GRAMD1B: variants seen among roughly 807,000 people sequenced by gnomAD.
GRAMD1B encodes the protein protein Aster-B.
In GRAMD1B, 37 loss-of-function variants were observed where a neutral mutation model predicts 99.7. That is an observed-to-expected ratio of 0.37 (90% CI 0.29 to 0.49). The LOEUF is 0.49. Among genes scored for constraint, GRAMD1B ranks in the 20% least tolerant of loss-of-function variants. GRAMD1B has a pLI of 0.98. For missense variants in GRAMD1B, 888 were observed against 1,009.2 expected, an observed-to-expected ratio of 0.88 and a Z score of 1.63; for synonymous variants, 427 against 387.6, an observed-to-expected ratio of 1.10 and a Z score of -1.19.
chr11:123,480,667 T>G (rs1442781651), intron 1 of GRAMD1B, 149 bp from the exon 2 acceptor site: 1 of 391,556 alleles, frequency 2.6e-6, no homozygotes, highest in Non-Finnish European at 4.5e-6. Context: ...GGTCTAACTG[T>G]GCATTCTCTA....
At chr11:123,542,585 T>G (rs894762452) in intron 2 of GRAMD1B, among the ~76,000 whole-genome samples, 9 of 152,094 alleles carry the variant, frequency 5.9e-5, no homozygotes, top group African/African-American at 2.2e-4. Flanking sequence ...TGGGACCACA[T>G]AGGGTGGGTT....
chr11:123,572,579 A>G (rs893501496), intron 2 of GRAMD1B, among the ~76,000 whole-genome samples: 1 of 152,144 alleles, frequency 6.6e-6, no homozygotes, highest in Non-Finnish European at 1.5e-5. Flanking sequence ...TTTTGTAGAG[A>G]AGGATCAGAG....
intron 1 of GRAMD1B, among the ~76,000 whole-genome samples, chr11:123,446,670 C>T (rs1008282687): frequency 3.9e-5 from 6 of 152,064 alleles, no homozygotes; most frequent in African/African-American, 9.7e-5. Flanking sequence ...CAGAGAGATG[C>T]GACTGAAAAT....
intron 1 of GRAMD1B, among the ~76,000 whole-genome samples, chr11:123,415,095 C>CTTTT (rs1175202539): frequency 4.4e-4 from 33 of 75,828 alleles, no homozygotes; most frequent in Non-Finnish European, 6.8e-4. Context: ...CTTTTTCTTT[C>CTTTT]TTTTTTTTTT....
chr11:123,386,039 T>G (rs146089998), intron 1 of GRAMD1B, among the ~76,000 whole-genome samples: 27 of 152,292 alleles, frequency 1.8e-4, no homozygotes, highest in African/African-American at 6.3e-4. Flanking sequence ...ATGTATAGGC[T>G]TGGAAGTTTG....
intron 1 of GRAMD1B, among the ~76,000 whole-genome samples, chr11:123,404,806 G>A (rs980484293): frequency 6.6e-6 from 1 of 152,246 alleles, no homozygotes; most frequent in Admixed American, 6.5e-5. Flanking sequence ...ATCGTTAAGA[G>A]ACAAACGCAG....
chr11:123,361,745 G>A (rs1363489115), intron 1 of GRAMD1B, among the ~76,000 whole-genome samples: 1 of 152,170 alleles, frequency 6.6e-6, no homozygotes, highest in Non-Finnish European at 1.5e-5. Flanking sequence ...GACTTCCAAG[G>A]TGTACTCCAG....
intron 1 of GRAMD1B, among the ~76,000 whole-genome samples, chr11:123,362,701 T>C (rs575967304): frequency 5.1e-4 from 77 of 152,306 alleles, no homozygotes; most frequent in African/African-American, 1.8e-3. Flanking sequence ...CCATCCAATC[T>C]AATTGAACTC....
intron 2 of GRAMD1B, among the ~76,000 whole-genome samples, chr11:123,572,345 A>G (rs1948193024): frequency 1.3e-5 from 2 of 152,216 alleles, no homozygotes; most frequent in African/African-American, 4.8e-5. Context: ...CCTGTTATTA[A>G]TAATAGTGGC....
At chr11:123,433,846 G>T (rs1949029059) in intron 1 of GRAMD1B, among the ~76,000 whole-genome samples, 1 of 152,034 alleles carries the variant, frequency 6.6e-6, no homozygotes, top group African/African-American at 2.4e-5. Flanking sequence ...CATTTTGTTG[G>T]ATTTGGGGAC....
At chr11:123,467,839 C>T (rs748864330) in intron 1 of GRAMD1B, among the ~76,000 whole-genome samples, 1 of 123,946 alleles carries the variant, frequency 8.1e-6, no homozygotes, top group Non-Finnish European at 1.7e-5. Flanking sequence ...CCCTCCCTCC[C>T]TCCCTTCCTT....
At chr11:123,413,817 A>G (rs1233608057) in intron 1 of GRAMD1B, among the ~76,000 whole-genome samples, 1 of 152,016 alleles carries the variant, frequency 6.6e-6, no homozygotes, top group African/African-American at 2.4e-5. Flanking sequence ...TTTCAATTGC[A>G]TCTTCTGTAG....
chr11:123,552,898 G>A (rs1208473946), intron 2 of GRAMD1B, among the ~76,000 whole-genome samples: 1 of 152,060 alleles, frequency 6.6e-6, no homozygotes, highest in Non-Finnish European at 1.5e-5. Flanking sequence ...TTAAACAAGA[G>A]GAAGGATATC....
chr11:123,493,626 C>T (rs368489524), intron 2 of GRAMD1B, among the ~76,000 whole-genome samples: 2 of 152,174 alleles, frequency 1.3e-5, no homozygotes, highest in Admixed American at 6.5e-5. Context: ...GCAGCCCACT[C>T]GAACTCCATG....
chr11:123,608,189 C>T, intron 11 of GRAMD1B: 1 of 356,792 alleles, frequency 2.8e-6, no homozygotes, highest in Non-Finnish European at 5.1e-6. Flanking sequence ...AGCAGCAGTT[C>T]TGTACACTGA....
intron 7 of GRAMD1B, chr11:123,598,796 C>T (rs1951599933): frequency 9.9e-7 from 1 of 1,010,834 alleles, no homozygotes; most frequent in African/African-American, 1.6e-5. Flanking sequence ...TCTCCCATTT[C>T]TTCTCAAATT....
chr11:123,396,345 G>C (rs1947463491), intron 1 of GRAMD1B, among the ~76,000 whole-genome samples: 1 of 150,058 alleles, frequency 6.7e-6, no homozygotes, highest in Non-Finnish European at 1.5e-5. Flanking sequence ...GCACAATCTT[G>C]GCTCACTACA....
chr11:123,434,552 G>C (rs751833467), intron 1 of GRAMD1B, among the ~76,000 whole-genome samples: 39 of 152,220 alleles, frequency 2.6e-4, no homozygotes, highest in Non-Finnish European at 4.8e-4. Context: ...ACTTTGGGAG[G>C]CTGAGGAGGC....
chr11:123,374,206 C>T (rs1171314352), intron 1 of GRAMD1B, among the ~76,000 whole-genome samples: 1 of 152,170 alleles, frequency 6.6e-6, no homozygotes, highest in Non-Finnish European at 1.5e-5. Flanking sequence ...TCTTAAATCA[C>T]TCATCAAATA....
Sources: gnomAD v4.1 joint callset for allele counts (sites outside exome capture counted in the v4.1 genomes callset) on GRCh38, gnomAD v4.1.1 for gene constraint, MANE v1.5 for transcripts, NCBI Gene and HGNC (gene_info 2026-07-23, HGNC 2026-07-21) for gene names.